The following DGKG variants were observed in gnomAD, a reference collection of about 807,000 sequenced individuals.
DGKG encodes the protein DAG kinase gamma.
In DGKG, 78 loss-of-function variants were observed where a neutral mutation model predicts 105.3. The ratio of observed to expected loss-of-function variants is 0.74; its 90% CI spans 0.62 to 0.89. DGKG has a LOEUF of 0.89. DGKG is among the 40% of genes least tolerant of loss of function. The pLI, the probability that DGKG is intolerant of heterozygous loss-of-function variation, is 0.00. For synonymous variants in DGKG, 346 were observed against 367.1 expected (o/e 0.94, Z 0.66); for missense variants, 958 against 1,020.1 (o/e 0.94, Z 0.83).
chr3:186,320,637 A>G lies in DGKG; in HGVS notation c.-178T>C. 2.0e-6 allele frequency: 2 copies of G among 1,007,370 alleles called. 1 individual carries two copies. The highest frequency in any genetic ancestry group is 4.3e-5 in the South Asian group (2 of 46,058). 62.4% of individuals were successfully genotyped at this position (1,007,370 alleles called of 1,614,324 possible). A position where few individuals can be genotyped will look rare whatever the true frequency, so the allele number is the denominator to read the frequency against. On this transcript the variant is annotated 5_prime_UTR_variant, in exon 2 of 25. Coordinates refer to ENST00000265022, the MANE Select transcript of DGKG (RefSeq NM_001346.3). ...CAGGCACCTCTCAGAAGATGAGACA[A>G]GATCTCTGCTATTCCTTAGGCAACA... is the stretch of plus-strand genomic sequence containing the variant.
At chr3:186,217,956 T>A (rs1286111538) in intron 20 of DGKG, among the ~76,000 whole-genome samples, 1 of 152,198 alleles carries the variant, frequency 6.6e-6, no homozygotes, top group East Asian at 1.9e-4. Context: ...GATAATCAGG[T>A]TCTCTGAGTG....
Position 186,320,488 on chromosome 3 carries a change from G to A in DGKG, c.-29C>T. 3 of 1,614,098 alleles carry A rather than the reference G, an allele frequency of 1.9e-6. 1 individual carries two copies. In the South Asian group the frequency reaches 3.3e-5, roughly 18 times the overall value. ...TAAACTTTATGTGAGTGGCTAAAGGGCAGTGATGGAGTTTTGTTCACTAGG... is the reference window on the plus strand; with the variant it reads ...TAAACTTTATGTGAGTGGCTAAAGGACAGTGATGGAGTTTTGTTCACTAGG... On this transcript the variant is annotated 5_prime_UTR_variant, in exon 2 of 25. Transcript: ENST00000265022.
intron 22 of DGKG, among the ~76,000 whole-genome samples, chr3:186,184,251 A>G (rs1717507649): frequency 6.6e-6 from 1 of 152,078 alleles, no homozygotes; most frequent in Non-Finnish European, 1.5e-5. Context: ...TGGTTGGGTA[A>G]TTTCCCAAGA....
At chr3:186,177,028 C>T (rs1470373887) in intron 22 of DGKG, among the ~76,000 whole-genome samples, 1 of 152,176 alleles carries the variant, frequency 6.6e-6, no homozygotes, top group East Asian at 1.9e-4. Context: ...TGTCCTCTGT[C>T]CATCCCTTGC....
chr3:186,195,287 A>C (rs187291110), intron 21 of DGKG, among the ~76,000 whole-genome samples: 86 of 111,182 alleles, frequency 7.7e-4, no homozygotes, highest in Non-Finnish European at 1.4e-3. Context: ...CAAAACAAAA[A>C]AAAACAAAAC....
rs544059217 is a variant in DGKG at position 186,174,225 on chromosome 3, T to G, written c.2096-9207A>C. 3.3e-5 allele frequency among the ~76,000 whole-genome samples: 5 copies of G among 152,320 alleles called. No individual in the cohort carries two copies. The East Asian group carries it at 9.6e-4, about 29-fold the overall frequency. ...TTTAGAAGGGATGCCCTCAAGTACC[T>G]TGTATGAATAGGATGGGATCAGAGC... is the stretch of plus-strand genomic sequence containing the variant. On this transcript the variant is annotated intron_variant, in intron 22 of 24. Coordinates refer to ENST00000265022, the MANE Select transcript of DGKG (RefSeq NM_001346.3).
chr3:186,272,888 C>T (rs747721286), intron 10 of DGKG, among the ~76,000 whole-genome samples: 21 of 151,998 alleles, frequency 1.4e-4, no homozygotes, highest in African/African-American at 2.4e-4. Flanking sequence ...CCACCACGCC[C>T]GGCTAATTTT....
At chr3:186,228,252 G>C (rs1312999966) in intron 20 of DGKG, among the ~76,000 whole-genome samples, 3 of 152,060 alleles carry the variant, frequency 2.0e-5, no homozygotes, top group African/African-American at 7.2e-5. Flanking sequence ...ACTCCTCCAG[G>C]GCAGCAGAGT....
intron 1 of DGKG, among the ~76,000 whole-genome samples, chr3:186,355,000 A>AT: frequency 6.6e-6 from 1 of 152,222 alleles, no homozygotes; most frequent in African/African-American, 2.4e-5. Context: ...AAATTAATAT[A>AT]TATCTCTAAT....
Position 186,252,779 on chromosome 3 carries a change from G to A in DGKG, c.1600+314C>T, listed in dbSNP as rs138898259. Among the ~76,000 whole-genome samples, 799 of 152,316 alleles carry A rather than the reference G, an allele frequency of 5.2e-3. 6 individuals carry two copies. The highest frequency in any genetic ancestry group is 0.018 in the African/African-American group (758 of 41,560). ...ATGGGACTCTGGGGATGGGACATATGAGACTTTGTCTTTACCCTACAGTTG... is the reference window on the plus strand; with the variant it reads ...ATGGGACTCTGGGGATGGGACATATAAGACTTTGTCTTTACCCTACAGTTG... On this transcript the variant is annotated intron_variant, in intron 18 of 24. Transcript: ENST00000265022.
rs1715557204 is a variant in DGKG at position 186,147,455 on chromosome 3, A to ACACTT, written c.*2634_*2635insAAGTG. 2 of 985,310 alleles carry ACACTT rather than the reference A, an allele frequency of 2.0e-6. No individual in the cohort carries two copies. Among genetic ancestry groups the ACACTT allele is most frequent in the Non-Finnish European group, 2.4e-6 (2 of 829,870 alleles). The allele number at this position is 985,310 out of a possible 1,614,324, so 61.0% of individuals were successfully genotyped here. On this transcript the variant is annotated 3_prime_UTR_variant, in exon 25 of 25. Transcript: ENST00000265022. ...CACTATGATGAGGGACTCCACCACA[A>ACACTT]GAAACCACAGTCATAGTGTTTAAAG...
intron 20 of DGKG, among the ~76,000 whole-genome samples, chr3:186,225,714 T>G (rs772211489): frequency 3.4e-4 from 52 of 152,268 alleles, no homozygotes; most frequent in Middle Eastern, 3.4e-3. Context: ...ATCTACCCAC[T>G]TCTCTCATTT....
chr3:186,290,416 A>G (rs1168603110), intron 5 of DGKG, among the ~76,000 whole-genome samples: 1 of 152,222 alleles, frequency 6.6e-6, no homozygotes, highest in Non-Finnish European at 1.5e-5. Context: ...CATATTATTC[A>G]TCAATTAAAA....
In DGKG at chr3:186,210,414, C is replaced by A. The variant is rs1001198759; in HGVS notation, c.1917+1381G>T. 1.3e-5 allele frequency among the ~76,000 whole-genome samples: 2 copies of A among 152,250 alleles called. No individual in the cohort carries two copies. The highest frequency in any genetic ancestry group is 4.8e-5 in the African/African-American group (2 of 41,470). On this transcript the variant is annotated intron_variant, in intron 21 of 24. Transcript: ENST00000265022. This position sits in a 1 kb window ranked among gnomAD's most constrained non-coding sequence, Gnocchi z 5.2. ...GAGAGGAGGACCGGCTTCTCAGACTCCCTGTGTGCCACCTGGGGACACACA... is the reference window on the plus strand; with the variant it reads ...GAGAGGAGGACCGGCTTCTCAGACTACCTGTGTGCCACCTGGGGACACACA...
intron 21 of DGKG, chr3:186,207,565 A>G (rs540621803): frequency 2.3e-6 from 2 of 862,450 alleles, no homozygotes; most frequent in South Asian, 1.1e-4. Flanking sequence ...GAAAACTTCA[A>G]TCCTAATAAT....
At chr3:186,216,343 G>C (rs1162901277) in intron 20 of DGKG, among the ~76,000 whole-genome samples, 1 of 151,892 alleles carries the variant, frequency 6.6e-6, no homozygotes, top group Non-Finnish European at 1.5e-5. Flanking sequence ...TTGAACCTCT[G>C]ACCCACAAGG....
chr3:186,234,765 C>G (rs1458939771), intron 20 of DGKG, among the ~76,000 whole-genome samples: 4 of 152,150 alleles, frequency 2.6e-5, no homozygotes, highest in Admixed American at 6.5e-5. Context: ...TGTCTGTTCC[C>G]ACGCGGACTA....
At chr3:186,353,156 A>G (rs923289774) in intron 1 of DGKG, among the ~76,000 whole-genome samples, 3 of 152,100 alleles carry the variant, frequency 2.0e-5, no homozygotes, top group African/African-American at 4.8e-5. Flanking sequence ...TCTACTCCAG[A>G]GCGTATTACC....
At chr3:186,240,140 A>C (rs1396367489) in intron 20 of DGKG, among the ~76,000 whole-genome samples, 3 of 151,954 alleles carry the variant, frequency 2.0e-5, no homozygotes, top group Non-Finnish European at 4.4e-5. Context: ...AGTATACTGC[A>C]CCCTCTCACT....
Sources: gnomAD v4.1 joint callset for allele counts (sites outside exome capture counted in the v4.1 genomes callset) on GRCh38, gnomAD v4.1.1 for gene constraint, Gnocchi (gnomAD v3.1) non-coding constraint, MANE v1.5 for transcripts, NCBI Gene and HGNC (gene_info 2026-07-23, HGNC 2026-07-21) for gene names.